ECPAS: variants seen among roughly 807,000 people sequenced by gnomAD.
The protein encoded by ECPAS is Ecm29 proteasome adaptor and scaffold, also known as proteasome adapter and scaffold protein ECM29.
In ECPAS, 70 loss-of-function variants were observed where a neutral mutation model predicts 255.1. The observed-to-expected ratio is 0.27, with a 90% CI of 0.23 to 0.33. ECPAS has a LOEUF of 0.33. Among genes scored for constraint, ECPAS ranks in the 10% least tolerant of loss-of-function variants. The pLI is 1.00. For synonymous variants in ECPAS, 784 were observed against 775.0 expected (o/e 1.01, Z -0.19); for missense variants, 1,817 against 2,206.4 (o/e 0.82, Z 3.54).
chr9:111,442,901 A>T (rs1473040945), intron 4 of ECPAS, among the ~76,000 whole-genome samples: 1 of 152,182 alleles, frequency 6.6e-6, no homozygotes, highest in Admixed American at 6.5e-5. Flanking sequence ...TAACTCACCA[A>T]TGCATGATGA....
rs2098207424 is a variant in ECPAS at position 111,418,207 on chromosome 9, C to A, written c.1560-201G>T. Among the ~76,000 whole-genome samples the A allele has an allele frequency of 2.6e-5, 4 of 152,252 alleles. No individual in the cohort carries two copies. In the South Asian group the frequency reaches 8.3e-4, roughly 32 times the overall value. On this transcript the variant is annotated intron_variant, in intron 16 of 49. Coordinates refer to ENST00000684092, the MANE Select transcript of ECPAS (RefSeq NM_001364929.1). ...TCAGAAATTGCATGAGGTCCGGGGA[C>A]TCATCTGGCTTACATCTTTGAATTT...
chr9:111,379,819 ACTC>A (rs1275761727), intron 35 of ECPAS, among the ~76,000 whole-genome samples: 1 of 151,694 alleles, frequency 6.6e-6, no homozygotes, highest in Non-Finnish European at 1.5e-5. Flanking sequence ...ATAAGAAGCA[ACTC>A]CTCTTCTGTT....
rs1311772270 is a variant in ECPAS, at chr9:111,398,954, A to T, written c.2653-1801T>A. Among the ~76,000 whole-genome samples, 7 of 152,236 alleles carry T rather than the reference A, an allele frequency of 4.6e-5. No homozygotes were observed. The East Asian group carries it at 1.4e-3, about 29-fold the overall frequency. On this transcript the variant is annotated intron_variant, in intron 24 of 49. Transcript: ENST00000684092. ...TCCGTCTCAAAAAAAAAAAGAATGA[A>T]TGAGACCTACTACTCTTTGATAGCA...
At chr9:111,429,316 C>G (rs1295029379) in intron 9 of ECPAS, among the ~76,000 whole-genome samples, 1 of 151,764 alleles carries the variant, frequency 6.6e-6, no homozygotes, top group African/African-American at 2.4e-5. Flanking sequence ...TGTTAGTCAT[C>G]TGGTGACATG....
intron 21 of ECPAS, chr9:111,411,727 T>C (rs992935809): frequency 1.1e-5 from 3 of 284,636 alleles, no homozygotes; most frequent in Non-Finnish European, 1.9e-5. Context: ...GTGTTCACGG[T>C]GGTACGGCTG....
At chr9:111,379,684 C>T (rs1489118479) in intron 35 of ECPAS, among the ~76,000 whole-genome samples, 1 of 152,230 alleles carries the variant, frequency 6.6e-6, no homozygotes, top group African/African-American at 2.4e-5. Context: ...CTCTCCAACC[C>T]TGTTGTTGCT....
At chr9:111,384,692 T>C (rs2098145344) in intron 33 of ECPAS, 123 bp from the exon 34 acceptor site, 10 of 825,080 alleles carry the variant, frequency 1.2e-5, no homozygotes, top group Non-Finnish European at 2.0e-5. Flanking sequence ...ACATTTCATA[T>C]CATGTTAAAA....
intron 1 of ECPAS, chr9:111,483,491 C>G: frequency 5.1e-6 from 5 of 978,850 alleles, no homozygotes; most frequent in Non-Finnish European, 6.0e-6. Flanking sequence ...GCAGGTTCGG[C>G]CGCGGCACTT....
chr9:111,444,244 A>C (rs2098249879), intron 4 of ECPAS, 134 bp downstream of exon 4: 4 of 599,994 alleles, frequency 6.7e-6, no homozygotes, highest in East Asian at 2.9e-5. Flanking sequence ...CATTTAAAAA[A>C]AAAAAAAACT....
chr9:111,421,836 A>G lies in ECPAS; in HGVS notation c.1455+85T>C, dbSNP rs909767638. The G allele has an allele frequency of 3.4e-6, 5 of 1,479,196 alleles. No individual in the cohort carries two copies. In the African/African-American group the frequency reaches 5.7e-5, roughly 17 times the overall value. The allele number at this position is 1,479,196 out of a possible 1,614,324, so 91.6% of individuals were successfully genotyped here. On this transcript the variant is annotated intron_variant, in intron 15 of 49. Coordinates refer to ENST00000684092, the MANE Select transcript of ECPAS (RefSeq NM_001364929.1). Reference sequence around the variant, plus strand: ...CCAAGTGAAAGCAAATACTCCTCTTATCAAAAGTTAAGTAGCAATTCAAAT... The same window carrying G: ...CCAAGTGAAAGCAAATACTCCTCTTGTCAAAAGTTAAGTAGCAATTCAAAT...
chr9:111,469,763 C>G (rs181624436), intron 2 of ECPAS, among the ~76,000 whole-genome samples: 1 of 151,556 alleles, frequency 6.6e-6, no homozygotes, highest in Non-Finnish European at 1.5e-5. Flanking sequence ...GAGCCGAGAT[C>G]GCGCCACTGC....
chr9:111,373,253 C>T lies in ECPAS; in HGVS notation c.4270-17G>A, dbSNP rs938971986. The T allele has an allele frequency of 6.2e-7, 1 of 1,613,374 alleles. No homozygotes were observed. Among genetic ancestry groups the T allele is most frequent in the Non-Finnish European group, 8.5e-7 (1 of 1,179,424 alleles). On this transcript the variant is annotated splice_polypyrimidine_tract_variant and intron_variant, in intron 40 of 49. Transcript: ENST00000684092. ...CCGTGAGGTCTGAAAAAGAAACAAT[C>T]CTAAGTATTTCTTTATAACTGTCAA...
At chr9:111,448,206 A>G (rs2098255817) in intron 3 of ECPAS, among the ~76,000 whole-genome samples, 1 of 152,136 alleles carries the variant, frequency 6.6e-6, no homozygotes, top group Non-Finnish European at 1.5e-5. Flanking sequence ...ATAGGTTAAT[A>G]ATCACAATAA....
chr9:111,370,088 TCTC>T (rs2098125476), intron 45 of ECPAS, among the ~76,000 whole-genome samples: 2 of 152,288 alleles, frequency 1.3e-5, no homozygotes, highest in Non-Finnish European at 1.5e-5. Context: ...GCCCAGGAAC[TCTC>T]CTCAAGAGAG....
intron 21 of ECPAS, 145 bp downstream of exon 21, chr9:111,411,869 A>T (rs908572178): frequency 7.6e-6 from 5 of 659,846 alleles, no homozygotes; most frequent in Non-Finnish European, 7.1e-6. Flanking sequence ...CCAATGTATC[A>T]CCTATCTCAT....
intron 24 of ECPAS, among the ~76,000 whole-genome samples, chr9:111,403,047 T>C (rs906520808): frequency 1.3e-5 from 2 of 152,090 alleles, no homozygotes; most frequent in Admixed American, 6.5e-5. Context: ...ACCAACTATA[T>C]GCTGCCTACA....
rs527264747 is a variant in ECPAS, at chr9:111,454,888, G to C, written c.23-3333C>G. Among the ~76,000 whole-genome samples, 4 of 151,962 alleles carry C rather than the reference G, an allele frequency of 2.6e-5. No individual in the cohort carries two copies. In the East Asian group the frequency reaches 7.8e-4, roughly 29 times the overall value. ...CCAGCTGATTTTTTTATTTTTTGTA[G>C]AGACAGAGGTCTCTGGTCTTGAATT... On this transcript the variant is annotated intron_variant, in intron 2 of 49. Transcript: ENST00000684092.
intron 24 of ECPAS, among the ~76,000 whole-genome samples, chr9:111,407,275 G>A (rs772915175): frequency 1.1e-4 from 16 of 146,388 alleles, no homozygotes; most frequent in Non-Finnish European, 2.1e-4. Context: ...GGTGGCGTGC[G>A]CTTGTAATCC....
chr9:111,446,331 A>C (rs1246280416), intron 3 of ECPAS, among the ~76,000 whole-genome samples: 1 of 152,244 alleles, frequency 6.6e-6, no homozygotes, highest in Admixed American at 6.5e-5. Context: ...CCAACAGAAA[A>C]GAAATCGAGC....
Sources: allele counts gnomAD v4.1 joint callset (sites outside exome capture counted in the v4.1 genomes callset), GRCh38; gene constraint gnomAD v4.1.1; transcripts MANE v1.5; gene names NCBI Gene and HGNC (gene_info 2026-07-23, HGNC 2026-07-21).